RBMS3: variants seen among roughly 807,000 people sequenced by gnomAD.
RBMS3 encodes the protein RNA-binding motif, single-stranded-interacting protein 3.
In RBMS3, 27 loss-of-function variants were observed where a neutral mutation model predicts 66.8. The observed-to-expected ratio is 0.40, with a 90% confidence interval of 0.30 to 0.56. The LOEUF (loss-of-function observed/expected upper bound fraction) is 0.56, where lower values mean the gene tolerates loss of function less well. Ranked by LOEUF, RBMS3 falls within the 20% of genes least tolerant of loss-of-function variation. The probability of loss-of-function intolerance (pLI) is 0.40; values close to 1 mark genes in which losing one functional copy is unlikely to be tolerated. For synonymous variants in RBMS3, 188 were observed against 183.0 expected, an observed-to-expected ratio of 1.03 and a Z score of -0.22; for missense variants, 513 against 549.5, an observed-to-expected ratio of 0.93 and a Z score of 0.66.
chr3:29,689,189 G>C (rs1267535971), intron 4 of RBMS3, among the ~76,000 whole-genome samples: 2 of 151,810 alleles, frequency 1.3e-5, no homozygotes, highest in East Asian at 1.9e-4. Flanking sequence ...TTTTTTTAAA[G>C]ATAAACTGCT....
chr3:29,373,180 G>A (rs2038296999), intron 1 of RBMS3, among the ~76,000 whole-genome samples: 1 of 152,168 alleles, frequency 6.6e-6, no homozygotes, highest in African/African-American at 2.4e-5. Context: ...GTCTCTTTCT[G>A]TGTTAATCTT....
intron 3 of RBMS3, among the ~76,000 whole-genome samples, chr3:29,504,873 G>C (rs1423896710): frequency 1.3e-5 from 2 of 151,928 alleles, no homozygotes; most frequent in African/African-American, 4.8e-5. Flanking sequence ...ATACCTGTCG[G>C]CTCTTTGTAT....
chr3:29,601,134 A>T (rs532065001), intron 4 of RBMS3, among the ~76,000 whole-genome samples: 18 of 151,764 alleles, frequency 1.2e-4, no homozygotes, highest in Admixed American at 7.2e-4. Flanking sequence ...ATAACATACA[A>T]TATATATTTA....
intron 6 of RBMS3, among the ~76,000 whole-genome samples, chr3:29,801,206 C>A (rs756908543): frequency 6.6e-6 from 1 of 151,664 alleles, no homozygotes; most frequent in Non-Finnish European, 1.5e-5. Context: ...TTCCAGGTTA[C>A]TAGGAGACTC....
chr3:29,543,835 T>C (rs1010820248), intron 3 of RBMS3, among the ~76,000 whole-genome samples: 6 of 152,182 alleles, frequency 3.9e-5, no homozygotes, highest in Admixed American at 6.5e-5. Context: ...GGTACATCGT[T>C]TTTTTCAGGC....
At chr3:29,577,359 A>C (rs1465675004) in intron 3 of RBMS3, among the ~76,000 whole-genome samples, 1 of 152,204 alleles carries the variant, frequency 6.6e-6, no homozygotes, top group African/African-American at 2.4e-5. Flanking sequence ...GAGCTGCCTT[A>C]CTTATGGCTG....
In RBMS3 at chr3:29,497,969, A is replaced by ATCCTTT. The variant is rs1553611689; in HGVS notation, c.307+9471_307+9472insCCTTTT. On this transcript the variant is annotated intron_variant, in intron 3 of 14. Transcript: ENST00000383767. ...TTTCTCAGAGTTATTCTCTAAAAGT[A>ATCCTTT]TTCATTTTTTTTTTTTTTTTTTTTT... 6.2e-4 allele frequency among the ~76,000 whole-genome samples: 37 copies of ATCCTTT among 59,274 alleles called. 2 individuals carry two copies. Among genetic ancestry groups the ATCCTTT allele is most frequent in the Non-Finnish European group, 1.1e-3 (32 of 29,422 alleles). 38.9% of individuals were successfully genotyped at this position (59,274 alleles called of 152,430 possible). A position where few individuals can be genotyped will look rare whatever the true frequency, so the allele number is the denominator to read the frequency against.
chr3:29,523,116 T>C (rs1201616879), intron 3 of RBMS3, among the ~76,000 whole-genome samples: 1 of 152,168 alleles, frequency 6.6e-6, no homozygotes, highest in East Asian at 1.9e-4. Flanking sequence ...TTTTCTTCAA[T>C]ATCACACAGT....
At chr3:29,921,255 G>A (rs1258526003) in intron 10 of RBMS3, among the ~76,000 whole-genome samples, 1 of 151,846 alleles carries the variant, frequency 6.6e-6, no homozygotes, top group African/African-American at 2.4e-5. Context: ...ATAGAGACAG[G>A]GTTTCTCCAT....
At chr3:29,472,087 C>G (rs1046382076) in intron 2 of RBMS3, among the ~76,000 whole-genome samples, 1 of 151,974 alleles carries the variant, frequency 6.6e-6, no homozygotes, top group Non-Finnish European at 1.5e-5. Flanking sequence ...TACTAATCGT[C>G]AGTGTATAGT....
intron 2 of RBMS3, among the ~76,000 whole-genome samples, chr3:29,440,419 C>T (rs2041574426): frequency 6.6e-6 from 1 of 152,168 alleles, no homozygotes; most frequent in Non-Finnish European, 1.5e-5. Context: ...GCTAAGGCCA[C>T]TTGAAACAGA....
Position 29,974,293 on chromosome 3 carries a change from A to T in RBMS3, c.1099-13850A>T, listed in dbSNP as rs114975723. 7.5e-3 allele frequency among the ~76,000 whole-genome samples: 1,141 copies of T among 152,070 alleles called. 14 individuals are homozygous for T. Among genetic ancestry groups the T allele is most frequent in the African/African-American group, 0.026 (1,082 of 41,520 alleles). On this transcript the variant is annotated intron_variant, in intron 12 of 14. Transcript: ENST00000383767. ...ACCTCACATCTTGCTTCATATATAGAAATGATGAAAAGAGAACGTTGGTAC... is the reference window on the plus strand; with the variant it reads ...ACCTCACATCTTGCTTCATATATAGTAATGATGAAAAGAGAACGTTGGTAC...
intron 4 of RBMS3, among the ~76,000 whole-genome samples, chr3:29,646,331 T>C (rs1196267526): frequency 6.6e-6 from 1 of 152,186 alleles, no homozygotes; most frequent in African/African-American, 2.4e-5. Flanking sequence ...CAGAAAACAA[T>C]TGTGGCTGTA....
At chr3:29,794,069 G>A (rs1304465884) in intron 6 of RBMS3, among the ~76,000 whole-genome samples, 1 of 152,094 alleles carries the variant, frequency 6.6e-6, no homozygotes, top group African/African-American at 2.4e-5. Context: ...GTTTCCTGAG[G>A]CCCTCACCAG....
At chr3:29,712,439 A>G (rs1003941832) in intron 4 of RBMS3, among the ~76,000 whole-genome samples, 1 of 152,010 alleles carries the variant, frequency 6.6e-6, no homozygotes, top group Non-Finnish European at 1.5e-5. Flanking sequence ...CAGCCTCCCA[A>G]GTAGCTCGGG....
chr3:29,550,063 A>G (rs1233336708), intron 3 of RBMS3, among the ~76,000 whole-genome samples: 1 of 152,210 alleles, frequency 6.6e-6, no homozygotes, highest in Non-Finnish European at 1.5e-5. Context: ...CCAAAGTAAA[A>G]TGGAAACATC....
At chr3:29,849,287 G>A (rs559417628) in intron 6 of RBMS3, among the ~76,000 whole-genome samples, 7 of 151,772 alleles carry the variant, frequency 4.6e-5, no homozygotes, top group South Asian at 2.1e-4. Flanking sequence ...AGGCCCAGGC[G>A]GGTGGATCAT....
chr3:29,537,836 AAAAGAAAG>A lies in RBMS3; in HGVS notation c.308-49270_308-49263del, dbSNP rs542999055. On this transcript the variant is annotated intron_variant, in intron 3 of 14. Coordinates refer to ENST00000383767, the MANE Select transcript of RBMS3 (RefSeq NM_001003793.3). ...AGACTCCACCTCAAAAAAAAAAAAA[AAAAGAAAG>A]AAAGAAAAAAAATTTGCCCCGATAC... is the stretch of plus-strand genomic sequence containing the variant. 6.4e-3 allele frequency among the ~76,000 whole-genome samples: 960 copies of A among 150,978 alleles called. 11 individuals are homozygous for A. The highest frequency in any genetic ancestry group is 0.023 in the African/African-American group (916 of 40,654).
chr3:29,858,210 AT>A (rs1433900993), intron 6 of RBMS3, among the ~76,000 whole-genome samples: 3 of 152,050 alleles, frequency 2.0e-5, no homozygotes, highest in Admixed American at 6.6e-5. Context: ...CCATTTTTTA[AT>A]TCATTTTTAA....
Sources: allele counts gnomAD v4.1 joint callset (sites outside exome capture counted in the v4.1 genomes callset), GRCh38; gene constraint gnomAD v4.1.1; transcripts MANE v1.5; gene names NCBI Gene and HGNC (gene_info 2026-07-23, HGNC 2026-07-21).